NRXN3: variants seen among roughly 807,000 people sequenced by gnomAD.
NRXN3 encodes neurexin 3, also known as neurexin III.
NRXN3 carries 32 observed loss-of-function variants against 137.6 expected under a neutral mutation model. The observed-to-expected ratio is 0.23, with a 90% confidence interval of 0.18 to 0.31. The LOEUF is 0.31. Ranked by LOEUF, NRXN3 falls within the 10% of genes least tolerant of loss-of-function variation. The pLI is 1.00. For synonymous variants in NRXN3, 798 were observed against 784.5 expected, an observed-to-expected ratio of 1.02 and a Z score of -0.29; for missense variants, 1,574 against 2,062.5, an observed-to-expected ratio of 0.76 and a Z score of 4.59.
chr14:79,586,595 A>G (rs921501449), intron 16 of NRXN3, among the ~76,000 whole-genome samples: 2 of 152,144 alleles, frequency 1.3e-5, no homozygotes, highest in Non-Finnish European at 2.9e-5. Context: ...TCAGCCACCC[A>G]AAGTGCTGGG....
chr14:79,558,256 T>C (rs762521730), intron 16 of NRXN3, among the ~76,000 whole-genome samples: 6 of 152,154 alleles, frequency 3.9e-5, no homozygotes, highest in Non-Finnish European at 8.8e-5. Context: ...CCATGAATCA[T>C]TGATGTTCTT....
At chr14:79,608,148 C>G (rs983867629) in intron 16 of NRXN3, among the ~76,000 whole-genome samples, 1 of 151,972 alleles carries the variant, frequency 6.6e-6, no homozygotes, top group African/African-American at 2.4e-5. Flanking sequence ...TTATCTTGAC[C>G]TTTGCTTTAA....
chr14:79,753,484 A>T (rs909248087), intron 19 of NRXN3, among the ~76,000 whole-genome samples: 1 of 146,760 alleles, frequency 6.8e-6, no homozygotes, highest in Non-Finnish European at 1.5e-5. Flanking sequence ...AAAACAAAAC[A>T]CCGCATGTTC....
chr14:78,271,940 A>G (rs1452208064), intron 2 of NRXN3, among the ~76,000 whole-genome samples: 6 of 152,100 alleles, frequency 3.9e-5, no homozygotes, highest in African/African-American at 1.2e-4. Context: ...GAAGGAAACA[A>G]CCTCCTCACT....
In NRXN3 at chr14:78,740,673, A is replaced by T. The variant is rs149157974; in HGVS notation, c.2044+25534A>T. Among the ~76,000 whole-genome samples, 645 of 152,220 alleles carry T rather than the reference A, an allele frequency of 4.2e-3. 2 individuals are homozygous for T. The highest frequency in any genetic ancestry group is 7.1e-3 in the Non-Finnish European group (482 of 68,010). On this transcript the variant is annotated intron_variant, in intron 8 of 20. Transcript: ENST00000335750. ...GTTCTTCTCCTGGATAATGAGGACC[A>T]AAGAATAACCCAAGTTCTCTTTGCA...
At chr14:79,518,036 G>T (rs1270550953) in intron 16 of NRXN3, among the ~76,000 whole-genome samples, 3 of 150,616 alleles carry the variant, frequency 2.0e-5, no homozygotes, top group Non-Finnish European at 4.4e-5. Context: ...CTGCTGAGTA[G>T]CTGGGATTAC....
At chr14:79,860,980 G>A in intron 20 of NRXN3, 3 of 1,033,056 alleles carry the variant, frequency 2.9e-6, no homozygotes, top group Non-Finnish European at 4.0e-6. Flanking sequence ...AATGACGTTG[G>A]TTGAGTGAGA....
chr14:79,571,914 C>T (rs532483478), intron 16 of NRXN3, among the ~76,000 whole-genome samples: 3 of 152,210 alleles, frequency 2.0e-5, no homozygotes, highest in East Asian at 1.9e-4. Flanking sequence ...GGTTACCACT[C>T]GGAGCAACTC....
intron 4 of NRXN3, among the ~76,000 whole-genome samples, chr14:78,357,274 C>A (rs1299652157): frequency 6.6e-6 from 1 of 152,152 alleles, no homozygotes; most frequent in Non-Finnish European, 1.5e-5. Context: ...CTTGTGCGGG[C>A]AAACTCCCTT....
chr14:78,697,300 CTCT>C (rs1203802574), intron 6 of NRXN3, among the ~76,000 whole-genome samples: 2 of 151,696 alleles, frequency 1.3e-5, no homozygotes, highest in South Asian at 4.2e-4. Flanking sequence ...TTATTTCTAC[CTCT>C]TCTTTTATAT....
intron 15 of NRXN3, among the ~76,000 whole-genome samples, chr14:79,261,285 T>C (rs1568837297): frequency 1.3e-5 from 2 of 152,126 alleles, no homozygotes; most frequent in African/African-American, 4.8e-5. Context: ...CCCAATCTGG[T>C]ATGTGCCAGA....
At chr14:78,919,094 C>A (rs944408122) in intron 10 of NRXN3, among the ~76,000 whole-genome samples, 1 of 152,050 alleles carries the variant, frequency 6.6e-6, no homozygotes, top group Non-Finnish European at 1.5e-5. Flanking sequence ...ATATGAGACA[C>A]ACTTGTTTCA....
At chr14:79,125,318 T>C (rs1244721203) in intron 15 of NRXN3, among the ~76,000 whole-genome samples, 1 of 152,210 alleles carries the variant, frequency 6.6e-6, no homozygotes, top group African/African-American at 2.4e-5. Flanking sequence ...GCTGTGAGCT[T>C]TCCTCACTAG....
chr14:78,500,173 G>A (rs1354089587), intron 4 of NRXN3, among the ~76,000 whole-genome samples: 1 of 152,068 alleles, frequency 6.6e-6, no homozygotes, highest in African/African-American at 2.4e-5. Context: ...ATTAGAACAG[G>A]TCTGAATGGT....
intron 15 of NRXN3, among the ~76,000 whole-genome samples, chr14:79,433,665 G>C (rs1190499545): frequency 6.6e-6 from 1 of 152,182 alleles, no homozygotes; most frequent in Non-Finnish European, 1.5e-5. Flanking sequence ...ACCAGGAAGT[G>C]AGAGAGTGAT....
rs578174237 is a variant in NRXN3, at chr14:78,348,094, A to G, written c.757+50234A>G. Among the ~76,000 whole-genome samples the G allele has an allele frequency of 1.1e-3, 175 of 152,296 alleles. No individual in the cohort carries two copies. The Middle Eastern group carries it at 0.017, about 15-fold the overall frequency. On this transcript the variant is annotated intron_variant, in intron 4 of 20. Coordinates refer to ENST00000335750, the MANE Select transcript of NRXN3 (RefSeq NM_001330195.2). ...GGAAAAACGTGTCGGAAGTCAGTTG[A>G]GCCCAGGTGTGCATGGCATCAAAGC...
chr14:79,549,791 C>A (rs2097356221), intron 16 of NRXN3, among the ~76,000 whole-genome samples: 1 of 152,028 alleles, frequency 6.6e-6, no homozygotes, highest in Non-Finnish European at 1.5e-5. Flanking sequence ...TTTAGTGGCC[C>A]AGCAAATCCC....
intron 8 of NRXN3, among the ~76,000 whole-genome samples, chr14:78,769,774 A>G (rs1234221710): frequency 1.3e-5 from 2 of 152,176 alleles, no homozygotes; most frequent in African/African-American, 4.8e-5. Flanking sequence ...TATGCTGAGG[A>G]GGTAGGCATG....
intron 15 of NRXN3, among the ~76,000 whole-genome samples, chr14:79,276,367 G>A (rs957593573): frequency 6.6e-6 from 1 of 152,102 alleles, no homozygotes; most frequent in Non-Finnish European, 1.5e-5. Context: ...ATAATTGGGG[G>A]TTGTCTCTTT....
Sources: allele counts gnomAD v4.1 joint callset (sites outside exome capture counted in the v4.1 genomes callset), GRCh38; gene constraint gnomAD v4.1.1; transcripts MANE v1.5; gene names NCBI Gene and HGNC (gene_info 2026-07-23, HGNC 2026-07-21).